GRIA4: variants seen among roughly 807,000 people sequenced by gnomAD.
GRIA4 encodes glutamate ionotropic receptor AMPA type subunit 4.
A neutral mutation model predicts 104.0 loss-of-function variants in GRIA4; 34 were observed. The ratio of observed to expected loss-of-function variants is 0.33; its 90% CI spans 0.25 to 0.44. The LOEUF (loss-of-function observed/expected upper bound fraction) is 0.44, where lower values mean the gene tolerates loss of function less well. Ranked by LOEUF, GRIA4 falls within the 20% of genes least tolerant of loss-of-function variation. The probability of loss-of-function intolerance (pLI) is 1.00; values close to 1 mark genes in which losing one functional copy is unlikely to be tolerated. For missense variants in GRIA4, 750 were observed against 1,096.5 expected (o/e 0.68, Z 4.46); for synonymous variants, 386 against 381.9 (o/e 1.01, Z -0.13).
rs538156829 is a variant in GRIA4 at position 105,628,319 on chromosome 11, G to T, written c.247+15885G>T. 2.0e-5 allele frequency among the ~76,000 whole-genome samples: 3 copies of T among 152,214 alleles called. No individual in the cohort carries two copies. In the South Asian group the frequency reaches 6.2e-4, roughly 32 times the overall value. On this transcript the variant is annotated intron_variant, in intron 3 of 16. Transcript: ENST00000282499. ...AATAACTTTATAAATCACTATATTT[G>T]TTATGCATCATATATCAGATCTTTC...
chr11:105,836,342 C>T (rs1448477000), intron 4 of GRIA4, among the ~76,000 whole-genome samples: 2 of 152,100 alleles, frequency 1.3e-5, no homozygotes, highest in Non-Finnish European at 2.9e-5. Flanking sequence ...AATGTGAAGG[C>T]TATCCATAGA....
intron 3 of GRIA4, among the ~76,000 whole-genome samples, chr11:105,664,155 T>G (rs762933867): frequency 6.7e-6 from 1 of 148,654 alleles, no homozygotes; most frequent in Non-Finnish European, 1.5e-5. Context: ...AGCCAAGGTG[T>G]TGATTTTATG....
At chr11:105,815,814 T>C (rs1943353639) in intron 4 of GRIA4, among the ~76,000 whole-genome samples, 1 of 152,188 alleles carries the variant, frequency 6.6e-6, no homozygotes, top group South Asian at 2.1e-4. Flanking sequence ...TCAAGAAATG[T>C]AAAATTTTAA....
chr11:105,888,350 C>A (rs1252289195), intron 6 of GRIA4, among the ~76,000 whole-genome samples: 1 of 116,754 alleles, frequency 8.6e-6, no homozygotes. Flanking sequence ...GTGGCGGGAT[C>A]TCGGCTCACT....
intron 3 of GRIA4, among the ~76,000 whole-genome samples, chr11:105,632,649 C>T (rs1331655679): frequency 1.3e-5 from 2 of 152,102 alleles, no homozygotes; most frequent in African/African-American, 4.8e-5. Context: ...ATATACAGTG[C>T]TTAGGGGCCA....
chr11:105,953,243 C>A (rs1011233131), intron 14 of GRIA4, among the ~76,000 whole-genome samples: 2 of 152,176 alleles, frequency 1.3e-5, no homozygotes, highest in African/African-American at 4.8e-5. Flanking sequence ...CATTTGACAG[C>A]CTATTGATTC....
chr11:105,690,720 C>T (rs1345940483), intron 3 of GRIA4, among the ~76,000 whole-genome samples: 1 of 152,136 alleles, frequency 6.6e-6, no homozygotes, highest in Admixed American at 6.5e-5. Flanking sequence ...TTTAAGAGAA[C>T]ATTCACCCAC....
At chr11:105,834,377 C>T (rs1280766112) in intron 4 of GRIA4, among the ~76,000 whole-genome samples, 1 of 152,044 alleles carries the variant, frequency 6.6e-6, no homozygotes, top group African/African-American at 2.4e-5. Context: ...CAAATTATTG[C>T]ATGCCACTCA....
chr11:105,681,327 C>A (rs1387083172), intron 3 of GRIA4, among the ~76,000 whole-genome samples: 1 of 152,140 alleles, frequency 6.6e-6, no homozygotes, highest in Non-Finnish European at 1.5e-5. Context: ...GGGGATGAAA[C>A]AATTCAATTT....
intron 3 of GRIA4, among the ~76,000 whole-genome samples, chr11:105,736,412 A>T (rs1195713970): frequency 6.6e-6 from 1 of 152,148 alleles, no homozygotes; most frequent in Non-Finnish European, 1.5e-5. Flanking sequence ...AAAATGTTAT[A>T]TTTGAAATAC....
chr11:105,691,777 A>G (rs1476505994), intron 3 of GRIA4, among the ~76,000 whole-genome samples: 1 of 151,960 alleles, frequency 6.6e-6, no homozygotes, highest in African/African-American at 2.4e-5. Context: ...TCTACTAAAA[A>G]TACAAAAATT....
chr11:105,858,505 A>G (rs757893827), intron 4 of GRIA4, among the ~76,000 whole-genome samples: 1 of 152,146 alleles, frequency 6.6e-6, no homozygotes, highest in African/African-American at 2.4e-5. Context: ...TCTTTATGTT[A>G]TAAACATTCT....
At chr11:105,745,950 C>T (rs1939629634) in intron 3 of GRIA4, among the ~76,000 whole-genome samples, 1 of 152,130 alleles carries the variant, frequency 6.6e-6, no homozygotes, top group African/African-American at 2.4e-5. Flanking sequence ...TTTACTGACT[C>T]AACACATCCT....
chr11:105,658,869 T>C (rs1425025404), intron 3 of GRIA4, among the ~76,000 whole-genome samples: 1 of 151,962 alleles, frequency 6.6e-6, no homozygotes, highest in Non-Finnish European at 1.5e-5. Context: ...TTAGAACTCC[T>C]GTTGAAATTA....
At chr11:105,791,860 C>T (rs1022085509) in intron 4 of GRIA4, among the ~76,000 whole-genome samples, 1 of 152,084 alleles carries the variant, frequency 6.6e-6, no homozygotes, top group Non-Finnish European at 1.5e-5. Flanking sequence ...TGCTGTATAG[C>T]ATTAAAGCTT....
intron 4 of GRIA4, among the ~76,000 whole-genome samples, chr11:105,759,258 G>A (rs897295484): frequency 2.0e-5 from 3 of 151,832 alleles, no homozygotes; most frequent in Non-Finnish European, 2.9e-5. Flanking sequence ...CATGAATCAC[G>A]GTGTTTGGTT....
At chr11:105,960,202 A>C (rs1417877034) in intron 14 of GRIA4, among the ~76,000 whole-genome samples, 7 of 152,346 alleles carry the variant, frequency 4.6e-5, no homozygotes, top group Admixed American at 4.6e-4. Context: ...ATTCCTCAGA[A>C]CTACCAGGAG....
At chr11:105,669,156 A>T (rs1279644091) in intron 3 of GRIA4, among the ~76,000 whole-genome samples, 1 of 151,938 alleles carries the variant, frequency 6.6e-6, no homozygotes, top group South Asian at 2.1e-4. Context: ...AATTTCTCTC[A>T]TAATCTGTCC....
chr11:105,827,093 A>C (rs1309110667), intron 4 of GRIA4, among the ~76,000 whole-genome samples: 2 of 152,008 alleles, frequency 1.3e-5, no homozygotes, highest in Non-Finnish European at 2.9e-5. Flanking sequence ...GTGCATTGCC[A>C]AATTGTCAAG....
Sources: gnomAD v4.1 joint callset for allele counts (sites outside exome capture counted in the v4.1 genomes callset) on GRCh38, gnomAD v4.1.1 for gene constraint, MANE v1.5 for transcripts, NCBI Gene and HGNC (gene_info 2026-07-23, HGNC 2026-07-21) for gene names.